Variants in MAP3K5 observed in about 807,000 individuals in gnomAD.
MAP3K5 encodes mitogen-activated protein kinase kinase kinase 5.
MAP3K5 carries 56 observed loss-of-function variants against 158.7 expected under a neutral mutation model. The observed-to-expected ratio is 0.35, with a 90% confidence interval of 0.28 to 0.44. The LOEUF (loss-of-function observed/expected upper bound fraction) is 0.44, where lower values mean the gene tolerates loss of function less well. MAP3K5 is among the 20% of genes least tolerant of loss of function. The pLI, the probability that MAP3K5 is intolerant of heterozygous loss-of-function variation, is 1.00. For missense variants in MAP3K5, 1,294 were observed against 1,674.8 expected (o/e 0.77, Z 3.97); for synonymous variants, 579 against 601.7 (o/e 0.96, Z 0.55).
intron 28 of MAP3K5, among the ~76,000 whole-genome samples, chr6:136,560,457 C>T (rs1361598464): frequency 2.0e-5 from 3 of 151,808 alleles, no homozygotes; most frequent in East Asian, 1.9e-4. Context: ...GCAGCCTGGG[C>T]GACAGAGTGA....
At chr6:136,755,791 C>T (rs748366402) in intron 1 of MAP3K5, among the ~76,000 whole-genome samples, 1 of 151,674 alleles carries the variant, frequency 6.6e-6, no homozygotes, top group Non-Finnish European at 1.5e-5. Context: ...ACCATACAGG[C>T]TAGAATAGTA....
rs886650286 is a variant in MAP3K5 at position 136,792,477 on chromosome 6, C to A, written c.-320G>T. 10 of 730,940 alleles carry A rather than the reference C, an allele frequency of 1.4e-5. No individual in the cohort carries two copies. The highest frequency in any genetic ancestry group is 6.3e-5 in the Admixed American group (1 of 15,878). 45.3% of individuals were successfully genotyped at this position (730,940 alleles called of 1,614,324 possible). A position where few individuals can be genotyped will look rare whatever the true frequency, so the allele number is the denominator to read the frequency against. On this transcript the variant is annotated 5_prime_UTR_variant, in exon 1 of 30. Coordinates refer to ENST00000359015, the MANE Select transcript of MAP3K5 (RefSeq NM_005923.4). This position sits in a 1 kb window ranked among gnomAD's most constrained non-coding sequence, Gnocchi z 5.7. ...TTCTTGGCCGGCTGACAAGTCGGCT[C>A]GCAAACCTGCGCCGCGGTGCAGCTC...
chr6:136,646,139 CAT>C, intron 11 of MAP3K5, among the ~76,000 whole-genome samples: 1 of 152,136 alleles, frequency 6.6e-6, no homozygotes, highest in East Asian at 1.9e-4. Flanking sequence ...AAGAAATTGA[CAT>C]AAATTCAGAA....
intron 7 of MAP3K5, among the ~76,000 whole-genome samples, chr6:136,676,786 T>C (rs994463803): frequency 6.8e-6 from 1 of 146,824 alleles, no homozygotes; most frequent in Non-Finnish European, 1.5e-5. Flanking sequence ...AATTTTTCTT[T>C]TCTTTTCTTT....
At chr6:136,632,785 A>G (rs554160865) in intron 14 of MAP3K5, among the ~76,000 whole-genome samples, 78 of 152,306 alleles carry the variant, frequency 5.1e-4, no homozygotes, top group South Asian at 2.5e-3. Flanking sequence ...TAATGAAGAC[A>G]TGGAAGGCAG....
chr6:136,586,423 G>C (rs1340015212), intron 23 of MAP3K5, among the ~76,000 whole-genome samples: 1 of 152,168 alleles, frequency 6.6e-6, no homozygotes, highest in African/African-American at 2.4e-5. Context: ...GTCCTGCAAA[G>C]GAACATGCTC....
intron 7 of MAP3K5, among the ~76,000 whole-genome samples, chr6:136,688,002 A>T (rs1172952341): frequency 6.6e-6 from 1 of 152,196 alleles, no homozygotes; most frequent in Non-Finnish European, 1.5e-5. Context: ...CATAATAGCA[A>T]AGACTTGGAC....
intron 1 of MAP3K5, among the ~76,000 whole-genome samples, chr6:136,772,567 A>C (rs968531040): frequency 1.7e-4 from 26 of 152,308 alleles, no homozygotes; most frequent in African/African-American, 6.0e-4. Flanking sequence ...AGGTTAATCC[A>C]GGGTTTACTT....
chr6:136,670,596 A>T (rs528207205), intron 7 of MAP3K5, among the ~76,000 whole-genome samples: 1 of 151,926 alleles, frequency 6.6e-6, no homozygotes, highest in East Asian at 1.9e-4. Flanking sequence ...TGATAGGCAC[A>T]ATAGTGTATA....
intron 15 of MAP3K5, among the ~76,000 whole-genome samples, chr6:136,614,619 G>T (rs191237894): frequency 6.6e-6 from 1 of 152,258 alleles, no homozygotes; most frequent in African/African-American, 2.4e-5. Flanking sequence ...AAGTGACAGA[G>T]CTAAGATTCA....
At chr6:136,677,299 G>A (rs561708820) in intron 7 of MAP3K5, among the ~76,000 whole-genome samples, 2 of 151,328 alleles carry the variant, frequency 1.3e-5, no homozygotes, top group South Asian at 2.1e-4. Flanking sequence ...CACCACGCCC[G>A]GCTAATTTTT....
chr6:136,600,901 C>T, intron 21 of MAP3K5, 121 bp downstream of exon 21: 1 of 974,388 alleles, frequency 1.0e-6, no homozygotes, highest in Non-Finnish European at 1.6e-6. Flanking sequence ...TCTAGTACCG[C>T]ACCCTCCTTT....
In MAP3K5 at chr6:136,792,304, C is replaced by A; in HGVS notation, c.-147G>T. The A allele has an allele frequency of 9.5e-7, 1 of 1,049,114 alleles. No individual in the cohort carries two copies. Among genetic ancestry groups the A allele is most frequent in the Non-Finnish European group, 1.1e-6 (1 of 877,564 alleles). The allele number at this position is 1,049,114 out of a possible 1,614,324, so 65.0% of individuals were successfully genotyped here. A position where few individuals can be genotyped will look rare whatever the true frequency, so the allele number is the denominator to read the frequency against. On this transcript the variant is annotated 5_prime_UTR_variant, in exon 1 of 30. Coordinates refer to ENST00000359015, the MANE Select transcript of MAP3K5 (RefSeq NM_005923.4). The surrounding 1 kb of genome is among the most constrained non-coding windows in gnomAD (Gnocchi z 5.7). ...TCGCCGCCGCGCCGCCGCCTCCTCTCCGGCGCCCTCTCCCCCGAGGGCACG... is the reference window on the plus strand; with the variant it reads ...TCGCCGCCGCGCCGCCGCCTCCTCTACGGCGCCCTCTCCCCCGAGGGCACG...
At chr6:136,599,266 T>C (rs188984062) in intron 21 of MAP3K5, among the ~76,000 whole-genome samples, 19 of 152,116 alleles carry the variant, frequency 1.2e-4, no homozygotes, top group Admixed American at 6.5e-4. Flanking sequence ...CATGTAATGA[T>C]ATTGTTTTAG....
chr6:136,607,675 G>T (rs1776159856), intron 18 of MAP3K5, among the ~76,000 whole-genome samples: 2 of 152,106 alleles, frequency 1.3e-5, no homozygotes, highest in Non-Finnish European at 2.9e-5. Context: ...AACTACCCAG[G>T]GAGGTGGTAC....
intron 1 of MAP3K5, among the ~76,000 whole-genome samples, chr6:136,741,069 G>T (rs899704419): frequency 6.6e-6 from 1 of 151,980 alleles, no homozygotes; most frequent in African/African-American, 2.4e-5. Context: ...CTTGGTTGTC[G>T]ATATAGACCA....
intron 1 of MAP3K5, among the ~76,000 whole-genome samples, chr6:136,735,861 C>T (rs987430984): frequency 6.6e-6 from 1 of 152,058 alleles, no homozygotes; most frequent in Non-Finnish European, 1.5e-5. Context: ...ATGATAATTT[C>T]ATCCTATGTT....
chr6:136,632,473 C>T (rs560499727), intron 14 of MAP3K5, among the ~76,000 whole-genome samples: 1 of 152,204 alleles, frequency 6.6e-6, no homozygotes, highest in East Asian at 1.9e-4. Context: ...GCCGAGATTG[C>T]GCCACTGCTC....
At chr6:136,604,034 C>A (rs1775991769) in intron 19 of MAP3K5, among the ~76,000 whole-genome samples, 1 of 152,198 alleles carries the variant, frequency 6.6e-6, no homozygotes, top group African/African-American at 2.4e-5. Flanking sequence ...CATCAAAAGT[C>A]CTCTCAGGCC....
Sources: gnomAD v4.1 joint callset for allele counts (sites outside exome capture counted in the v4.1 genomes callset) on GRCh38, gnomAD v4.1.1 for gene constraint, Gnocchi (gnomAD v3.1) non-coding constraint, MANE v1.5 for transcripts, NCBI Gene and HGNC (gene_info 2026-07-23, HGNC 2026-07-21) for gene names.